The following GADL1 variants were observed in gnomAD, a reference collection of about 807,000 sequenced individuals.
GADL1 encodes acidic amino acid decarboxylase GADL1.
In GADL1, 71 loss-of-function variants were observed where a neutral mutation model predicts 69.5. That is an observed-to-expected ratio of 1.02 (90% CI 0.84 to 1.25). GADL1 has a LOEUF of 1.25. Among genes scored for constraint, GADL1 ranks in the 50% most tolerant of loss-of-function variants. GADL1 has a pLI of 0.00. For synonymous variants in GADL1, 254 were observed against 214.4 expected (o/e 1.18, Z -1.62); for missense variants, 737 against 631.8 (o/e 1.17, Z -1.79).
At chr3:30,786,115 T>C (rs959421048) in intron 13 of GADL1, among the ~76,000 whole-genome samples, 1 of 152,216 alleles carries the variant, frequency 6.6e-6, no homozygotes, top group African/African-American at 2.4e-5. Flanking sequence ...ATATTATCCT[T>C]GGTAATTATT....
chr3:30,894,479 G>T (rs1698830353), intron 1 of GADL1, 99 bp downstream of exon 1: 2 of 1,001,744 alleles, frequency 2.0e-6, no homozygotes, highest in Admixed American at 2.5e-5. Context: ...GCTTTACAAA[G>T]AAATAACCAA....
At chr3:30,790,365 T>C (rs1161366095) in intron 12 of GADL1, among the ~76,000 whole-genome samples, 1 of 152,172 alleles carries the variant, frequency 6.6e-6, no homozygotes. Flanking sequence ...CAAACATTTT[T>C]ATTATGAGAA....
intron 11 of GADL1, among the ~76,000 whole-genome samples, chr3:30,807,751 G>A (rs554744345): frequency 3.7e-4 from 57 of 152,314 alleles, no homozygotes; most frequent in African/African-American, 1.0e-3. Flanking sequence ...ATGTGCGGCC[G>A]GGTGCAGTAG....
rs1697922258 is a variant in GADL1 at position 30,839,118 on chromosome 3, A to C, written c.787-5T>G. ...GACAAGAAACGGTGCTGCCCCCTGT[A>C]AGAAGGATCCACACACACAAAATTA... is the stretch of plus-strand genomic sequence containing the variant. On this transcript the variant is annotated splice_polypyrimidine_tract_variant and splice_region_variant and intron_variant, in intron 8 of 14. Coordinates refer to ENST00000282538, the MANE Select transcript of GADL1 (RefSeq NM_207359.3). The C allele has an allele frequency of 2.6e-6, 4 of 1,539,856 alleles. No homozygotes were observed. The highest frequency in any genetic ancestry group is 3.5e-6 in the Non-Finnish European group (4 of 1,141,480).
rs184076890 is a variant in GADL1, at chr3:30,807,203, T to C, written c.1051-6115A>G. On this transcript the variant is annotated intron_variant, in intron 11 of 14. Transcript: ENST00000282538. Reference sequence around the variant, plus strand: ...TCTTCTCGAACATTCCAGTATCCCCTGACCCCTCCCAGCTGTCACTGCCTG... The same window carrying C: ...TCTTCTCGAACATTCCAGTATCCCCCGACCCCTCCCAGCTGTCACTGCCTG... 4.2e-3 allele frequency among the ~76,000 whole-genome samples: 638 copies of C among 152,312 alleles called. 7 individuals carry two copies. The highest frequency in any genetic ancestry group is 0.015 in the African/African-American group (616 of 41,568).
chr3:30,765,759 C>T (rs1325794129), intron 14 of GADL1, among the ~76,000 whole-genome samples: 1 of 152,116 alleles, frequency 6.6e-6, no homozygotes, highest in South Asian at 2.1e-4. Context: ...CACATTGTCC[C>T]CACCTTCATC....
At chr3:30,742,232 T>G (rs1190731950) in intron 14 of GADL1, among the ~76,000 whole-genome samples, 1 of 151,956 alleles carries the variant, frequency 6.6e-6, no homozygotes, top group Non-Finnish European at 1.5e-5. Flanking sequence ...TTAATGCTCC[T>G]ACATTTGGAG....
intron 14 of GADL1, among the ~76,000 whole-genome samples, chr3:30,753,582 G>T (rs9820033): frequency 3.3e-5 from 5 of 151,208 alleles, no homozygotes; most frequent in Non-Finnish European, 7.4e-5. Context: ...AACAAGCGTC[G>T]GAAGACCAAC....
At chr3:30,757,114 A>G (rs1177389927) in intron 14 of GADL1, among the ~76,000 whole-genome samples, 8 of 152,108 alleles carry the variant, frequency 5.3e-5, no homozygotes, top group South Asian at 2.1e-4. Context: ...TTCTGATCTC[A>G]GTAGAAAGAC....
rs189166343 is a variant in GADL1 at position 30,885,886 on chromosome 3, C to T, written c.37+8692G>A. On this transcript the variant is annotated intron_variant, in intron 1 of 14. Coordinates refer to ENST00000282538, the MANE Select transcript of GADL1 (RefSeq NM_207359.3). ...CCTCCCGAAGTACTGGAGCTATAGG[C>T]ATGAGCCACCGTGCCCAGCCTATGT... Among the ~76,000 whole-genome samples, 130 of 152,168 alleles carry T rather than the reference C, an allele frequency of 8.5e-4. 1 individual carries two copies. Among genetic ancestry groups the T allele is most frequent in the African/African-American group, 3.0e-3 (125 of 41,544 alleles).
chr3:30,781,219 A>C (rs1696658688), intron 13 of GADL1, among the ~76,000 whole-genome samples: 1 of 152,232 alleles, frequency 6.6e-6, no homozygotes, highest in Admixed American at 6.5e-5. Flanking sequence ...CCATTAAAGA[A>C]TGAATACATT....
chr3:30,861,292 G>GT (rs1698317299), intron 2 of GADL1, among the ~76,000 whole-genome samples: 1 of 151,644 alleles, frequency 6.6e-6, no homozygotes, highest in African/African-American at 2.4e-5. Context: ...ACTTATCTAT[G>GT]TTATTATCTA....
intron 12 of GADL1, among the ~76,000 whole-genome samples, chr3:30,789,370 C>T (rs191356009): frequency 6.6e-6 from 1 of 152,166 alleles, no homozygotes; most frequent in Admixed American, 6.6e-5. Flanking sequence ...GTAAACCATG[C>T]CATAAAGAGA....
At chr3:30,745,968 GCTC>G (rs1307162773) in intron 14 of GADL1, among the ~76,000 whole-genome samples, 1 of 101,096 alleles carries the variant, frequency 9.9e-6, no homozygotes, top group Non-Finnish European at 1.9e-5. Flanking sequence ...CACCCCTCCT[GCTC>G]CTCCTCCTCC....
intron 13 of GADL1, among the ~76,000 whole-genome samples, chr3:30,783,817 C>T (rs1417655069): frequency 6.6e-6 from 1 of 152,170 alleles, no homozygotes; most frequent in East Asian, 1.9e-4. Flanking sequence ...ATTGCAAGGA[C>T]ATGAGTGTTT....
intron 14 of GADL1, among the ~76,000 whole-genome samples, chr3:30,739,908 C>T (rs1025410144): frequency 6.6e-6 from 1 of 152,142 alleles, no homozygotes; most frequent in African/African-American, 2.4e-5. Context: ...TAAAAGCAAT[C>T]CAGACCATTT....
At chr3:30,859,092 G>A (rs1698276027) in intron 2 of GADL1, among the ~76,000 whole-genome samples, 2 of 151,988 alleles carry the variant, frequency 1.3e-5, no homozygotes, top group African/African-American at 2.4e-5. Context: ...AGAGGTGGGG[G>A]CGGAGGCCAG....
At chr3:30,844,907 C>T (rs1698029684) in intron 6 of GADL1, among the ~76,000 whole-genome samples, 1 of 152,152 alleles carries the variant, frequency 6.6e-6, no homozygotes, top group Non-Finnish European at 1.5e-5. Context: ...TCTCCTGATG[C>T]TCCTCATAAG....
intron 1 of GADL1, among the ~76,000 whole-genome samples, chr3:30,863,053 A>T (rs535608024): frequency 0.013 from 1,998 of 149,280 alleles, 29 homozygotes; most frequent in African/African-American, 0.036. Context: ...ACACACACAC[A>T]CTCTCTCTCA....
Sources: gnomAD v4.1 joint callset for allele counts (sites outside exome capture counted in the v4.1 genomes callset) on GRCh38, gnomAD v4.1.1 for gene constraint, MANE v1.5 for transcripts, NCBI Gene and HGNC (gene_info 2026-07-23, HGNC 2026-07-21) for gene names.